The following RIMS2 variants were observed in gnomAD, a reference collection of about 807,000 sequenced individuals.
RIMS2 encodes the protein regulating synaptic membrane exocytosis 2.
A neutral mutation model predicts 174.4 loss-of-function variants in RIMS2; 59 were observed. The observed-to-expected ratio is 0.34, with a 90% CI of 0.27 to 0.42. The LOEUF (loss-of-function observed/expected upper bound fraction) is 0.42. Among genes scored for constraint, RIMS2 ranks in the 10% least tolerant of loss-of-function variants. The pLI, the probability that RIMS2 is intolerant of heterozygous loss-of-function variation, is 1.00. For synonymous variants in RIMS2, 606 were observed against 572.5 expected, an observed-to-expected ratio of 1.06 and a Z score of -0.84; for missense variants, 1,620 against 1,666.3, an observed-to-expected ratio of 0.97 and a Z score of 0.48.
chr8:104,243,966 A>G (rs1357366961), intron 19 of RIMS2, among the ~76,000 whole-genome samples: 2 of 152,130 alleles, frequency 1.3e-5, no homozygotes, highest in South Asian at 2.1e-4. Flanking sequence ...TTAAATGCAC[A>G]TGGTCATCCC....
chr8:104,217,619 A>G (rs952019680), intron 19 of RIMS2, among the ~76,000 whole-genome samples: 2 of 152,200 alleles, frequency 1.3e-5, no homozygotes, highest in African/African-American at 2.4e-5. Context: ...CGGGTCGACC[A>G]GCTACTGAAG....
chr8:103,932,238 T>A (rs141993725), intron 12 of RIMS2, among the ~76,000 whole-genome samples: 1 of 152,202 alleles, frequency 6.6e-6, no homozygotes, highest in South Asian at 2.1e-4. Context: ...ATGTTAAATA[T>A]GTTTATACGC....
chr8:103,886,870 ATATTTCTTTATTTGGG>A (rs2099205776), intron 4 of RIMS2, among the ~76,000 whole-genome samples: 2 of 151,702 alleles, frequency 1.3e-5, no homozygotes, highest in Non-Finnish European at 2.9e-5. Flanking sequence ...CCACAACTAA[ATATTTCTTTATTTGGG>A]GCATTGCTGT....
intron 2 of RIMS2, among the ~76,000 whole-genome samples, chr8:103,759,425 C>T (rs920438501): frequency 2.3e-4 from 35 of 151,824 alleles, no homozygotes; most frequent in African/African-American, 6.5e-4. Context: ...ATTAGCTGGG[C>T]GTGGCGGTGG....
At chr8:103,692,812 A>G (rs1423313327) in intron 1 of RIMS2, among the ~76,000 whole-genome samples, 4 of 152,204 alleles carry the variant, frequency 2.6e-5, no homozygotes, top group African/African-American at 4.8e-5. Flanking sequence ...ATACAGTCTC[A>G]GAACTATGAG....
intron 19 of RIMS2, among the ~76,000 whole-genome samples, chr8:104,024,495 A>T (rs2096201381): frequency 6.6e-6 from 1 of 152,108 alleles, no homozygotes; most frequent in Non-Finnish European, 1.5e-5. Context: ...GCATTCTATG[A>T]CACTGTTGTA....
intron 19 of RIMS2, among the ~76,000 whole-genome samples, chr8:104,044,960 T>G (rs1424975063): frequency 6.6e-6 from 1 of 151,814 alleles, no homozygotes; most frequent in Non-Finnish European, 1.5e-5. Flanking sequence ...AGCAGTAAAT[T>G]TTGTGACAAG....
chr8:103,832,537 C>T lies in RIMS2; in HGVS notation c.699-52761C>T, dbSNP rs148773636. Among the ~76,000 whole-genome samples, 22 of 152,260 alleles carry T rather than the reference C, an allele frequency of 1.4e-4. No homozygotes were observed. The East Asian group carries it at 1.7e-3, about 12-fold the overall frequency. ...TTTCTGATCCTCTCCCTTCTCCTCC[C>T]ACCCTCCACCCTCCAAAAGGCCCCA... On this transcript the variant is annotated intron_variant, in intron 3 of 23. Coordinates refer to ENST00000504942, the Ensembl canonical transcript of RIMS2.
chr8:103,782,554 T>G (rs769775839), intron 3 of RIMS2, among the ~76,000 whole-genome samples: 1 of 151,990 alleles, frequency 6.6e-6, no homozygotes, highest in Non-Finnish European at 1.5e-5. Context: ...GTATGCAGTT[T>G]TAAGTTTTTG....
intron 2 of RIMS2, among the ~76,000 whole-genome samples, chr8:103,764,022 C>A (rs1446120406): frequency 1.3e-5 from 2 of 152,178 alleles, no homozygotes; most frequent in Non-Finnish European, 2.9e-5. Context: ...CTGGGCACTG[C>A]CCCAGAGTTT....
Position 103,723,331 on chromosome 8 carries a change from C to G in RIMS2, c.387+26035C>G, listed in dbSNP as rs1371813850. Among the ~76,000 whole-genome samples the G allele has an allele frequency of 2.0e-5, 3 of 152,206 alleles. No homozygotes were observed. The East Asian group carries it at 5.8e-4, about 29-fold the overall frequency. ...GGCACATTTGAAGAAGTAAGCTCTT[C>G]TTGTTCTCTTTACAAACTGGCTTCA... On this transcript the variant is annotated intron_variant, in intron 2 of 23. Transcript: ENST00000504942.
At chr8:104,007,989 T>A (rs1200116116) in intron 17 of RIMS2, among the ~76,000 whole-genome samples, 1 of 152,142 alleles carries the variant, frequency 6.6e-6, no homozygotes, top group Non-Finnish European at 1.5e-5. Flanking sequence ...ACAAAAGGAA[T>A]GCTGGTGAAT....
At chr8:104,120,027 A>T (rs1038361007) in intron 19 of RIMS2, among the ~76,000 whole-genome samples, 10 of 152,232 alleles carry the variant, frequency 6.6e-5, no homozygotes, top group African/African-American at 2.4e-4. Flanking sequence ...ATGCTATAAT[A>T]GAGACAGCAC....
chr8:104,023,569 T>C (rs115448630), intron 19 of RIMS2, among the ~76,000 whole-genome samples: 1,735 of 152,318 alleles, frequency 0.011, 39 homozygotes, highest in African/African-American at 0.039. Context: ...TTCTATTAAC[T>C]AATACAGGGA....
intron 1 of RIMS2, among the ~76,000 whole-genome samples, chr8:103,651,472 C>T (rs1365689081): frequency 6.6e-6 from 1 of 152,174 alleles, no homozygotes; most frequent in Non-Finnish European, 1.5e-5. Flanking sequence ...ATAAAAATAT[C>T]TTCTCATCTC....
At chr8:104,213,270 C>A (rs146355929) in intron 19 of RIMS2, among the ~76,000 whole-genome samples, 1 of 152,084 alleles carries the variant, frequency 6.6e-6, no homozygotes, top group Admixed American at 6.5e-5. Context: ...GAGATCATGC[C>A]CCTGCACTCC....
intron 2 of RIMS2, among the ~76,000 whole-genome samples, chr8:103,745,541 A>C (rs2097801276): frequency 6.6e-6 from 1 of 152,172 alleles, no homozygotes; most frequent in Admixed American, 6.5e-5. Context: ...AGGAACTACC[A>C]AGTTGTTTTT....
intron 1 of RIMS2, among the ~76,000 whole-genome samples, chr8:103,670,034 G>A (rs2096725752): frequency 1.3e-5 from 2 of 152,232 alleles, no homozygotes; most frequent in Non-Finnish European, 2.9e-5. Context: ...GCAAACTTCT[G>A]CCTGGACATC....
chr8:103,756,979 CTG>C (rs71575983), intron 2 of RIMS2, among the ~76,000 whole-genome samples: 9,085 of 134,862 alleles, frequency 0.067, 337 homozygotes, highest in Middle Eastern at 0.13. Context: ...GTGTGTGTGT[CTG>C]TGTGTGTGTG....
Sources: allele counts gnomAD v4.1 joint callset (sites outside exome capture counted in the v4.1 genomes callset), GRCh38; gene constraint gnomAD v4.1.1; transcripts MANE v1.5; gene names NCBI Gene and HGNC (gene_info 2026-07-23, HGNC 2026-07-21).